CNTNAP5: variants seen among roughly 807,000 people sequenced by gnomAD.
The protein encoded by CNTNAP5 is contactin associated protein family member 5.
A neutral mutation model predicts 150.2 loss-of-function variants in CNTNAP5; 72 were observed. The observed-to-expected ratio is 0.48, with a 90% CI of 0.40 to 0.58. The LOEUF is 0.58. CNTNAP5 is among the 20% of genes least tolerant of loss of function. CNTNAP5 has a pLI of 0.00. For missense variants in CNTNAP5, 1,636 were observed against 1,626.2 expected (o/e 1.01, Z -0.10); for synonymous variants, 672 against 619.8 (o/e 1.08, Z -1.25).
chr2:124,046,006 C>T (rs569111394), intron 1 of CNTNAP5, among the ~76,000 whole-genome samples: 5 of 152,302 alleles, frequency 3.3e-5, no homozygotes, highest in African/African-American at 1.2e-4. Context: ...ATTTCCAAAA[C>T]GCATCCATGA....
intron 19 of CNTNAP5, among the ~76,000 whole-genome samples, chr2:124,815,885 A>G (rs1682350910): frequency 6.6e-6 from 1 of 152,142 alleles, no homozygotes; most frequent in African/African-American, 2.4e-5. Flanking sequence ...TTCTTCCACT[A>G]ATTTCCTCAT....
At chr2:124,882,609 G>A (rs1289939800) in intron 21 of CNTNAP5, among the ~76,000 whole-genome samples, 1 of 152,098 alleles carries the variant, frequency 6.6e-6, no homozygotes, top group Non-Finnish European at 1.5e-5. Flanking sequence ...CAGAGATGCT[G>A]TCTTCATCAG....
intron 7 of CNTNAP5, among the ~76,000 whole-genome samples, chr2:124,487,096 G>A (rs923053776): frequency 6.6e-6 from 1 of 152,002 alleles, no homozygotes; most frequent in African/African-American, 2.4e-5. Context: ...TCCACCCATG[G>A]GGTTATCCAG....
At chr2:124,908,890 T>C (rs1014159329) in intron 22 of CNTNAP5, among the ~76,000 whole-genome samples, 8 of 152,096 alleles carry the variant, frequency 5.3e-5, no homozygotes, top group Non-Finnish European at 8.8e-5. Context: ...AAAAATCTTC[T>C]AGCAAAAGGA....
At chr2:124,527,582 T>A in intron 10 of CNTNAP5, 126 bp downstream of exon 10, 1 of 647,876 alleles carries the variant, frequency 1.5e-6, no homozygotes, top group Non-Finnish European at 2.4e-6. Context: ...TTGAGTTGCC[T>A]AATGGAAAAT....
chr2:124,823,045 G>A (rs1049984906), intron 19 of CNTNAP5, among the ~76,000 whole-genome samples: 1 of 152,118 alleles, frequency 6.6e-6, no homozygotes, highest in Non-Finnish European at 1.5e-5. Context: ...ACAACACAGA[G>A]AAAAAATGAA....
chr2:124,900,263 T>C (rs1573698381), intron 21 of CNTNAP5, among the ~76,000 whole-genome samples: 1 of 151,748 alleles, frequency 6.6e-6, no homozygotes, highest in Middle Eastern at 3.4e-3. Flanking sequence ...AAAAGTATTG[T>C]TTTTATCAAA....
At chr2:124,046,799 A>G (rs777478317) in intron 1 of CNTNAP5, among the ~76,000 whole-genome samples, 46 of 152,224 alleles carry the variant, frequency 3.0e-4, no homozygotes, top group Non-Finnish European at 5.9e-4. Context: ...AGCTCCACTG[A>G]CATGCCTCAA....
chr2:124,464,055 C>T (rs528611208), intron 6 of CNTNAP5, among the ~76,000 whole-genome samples: 25 of 152,244 alleles, frequency 1.6e-4, no homozygotes, highest in Middle Eastern at 3.4e-3. Context: ...ATAAGTCCTA[C>T]TATTGCTATT....
chr2:124,122,163 T>C (rs1048478761), intron 1 of CNTNAP5, among the ~76,000 whole-genome samples: 2 of 152,146 alleles, frequency 1.3e-5, no homozygotes, highest in Non-Finnish European at 2.9e-5. Context: ...CTTGAAAATT[T>C]CCCCTCATCT....
chr2:124,700,881 C>T lies in CNTNAP5; in HGVS notation c.2078-46348C>T, dbSNP rs553629262. Reference sequence around the variant, plus strand: ...GTGCAAATGCAATTGCGTTTTTTGCCACTATTTTTAATGGCAAAAACCACA... The same window carrying T: ...GTGCAAATGCAATTGCGTTTTTTGCTACTATTTTTAATGGCAAAAACCACA... On this transcript the variant is annotated intron_variant, in intron 13 of 23. Coordinates refer to ENST00000682447, the MANE Select transcript of CNTNAP5 (RefSeq NM_001367498.1). 2.0e-4 allele frequency among the ~76,000 whole-genome samples: 30 copies of T among 151,824 alleles called. No individual in the cohort carries two copies. In the South Asian group the frequency reaches 5.6e-3, roughly 28 times the overall value.
At chr2:124,799,000 C>A (rs1404779490) in intron 19 of CNTNAP5, among the ~76,000 whole-genome samples, 1 of 151,978 alleles carries the variant, frequency 6.6e-6, no homozygotes, top group East Asian at 1.9e-4. Context: ...ACAAAATTCA[C>A]AAAAATACAG....
intron 2 of CNTNAP5, among the ~76,000 whole-genome samples, chr2:124,232,975 G>A (rs542630398): frequency 4.6e-5 from 7 of 150,758 alleles, no homozygotes; most frequent in Admixed American, 4.0e-4. Context: ...GTGGTTACAA[G>A]ATCCTTTACC....
intron 1 of CNTNAP5, among the ~76,000 whole-genome samples, chr2:124,056,472 A>G (rs1233640571): frequency 1.3e-5 from 2 of 152,108 alleles, no homozygotes; most frequent in Admixed American, 6.5e-5. Context: ...AAAATACAAA[A>G]AAAAAGAAAA....
At chr2:124,587,145 A>T (rs915318286) in intron 11 of CNTNAP5, among the ~76,000 whole-genome samples, 1 of 152,202 alleles carries the variant, frequency 6.6e-6, no homozygotes, top group Admixed American at 6.5e-5. Flanking sequence ...CTATAGTATC[A>T]AATGCTAACT....
chr2:124,547,138 C>T (rs777513600), intron 10 of CNTNAP5, among the ~76,000 whole-genome samples: 62 of 152,130 alleles, frequency 4.1e-4, no homozygotes, highest in Middle Eastern at 3.4e-3. Context: ...AGCCTCAATG[C>T]TAGCAATGGT....
rs566376177 is a variant in CNTNAP5, at chr2:124,788,740, C to T, written c.2753-1162C>T. Reference sequence around the variant, plus strand: ...CTCAGCCTCCTGGGTTCAAGCAATTCTCCTGCCTCAGCCTCCCGAGTAGCT... The same window carrying T: ...CTCAGCCTCCTGGGTTCAAGCAATTTTCCTGCCTCAGCCTCCCGAGTAGCT... On this transcript the variant is annotated intron_variant, in intron 17 of 23. Coordinates refer to ENST00000682447, the MANE Select transcript of CNTNAP5 (RefSeq NM_001367498.1). 1.2e-4 allele frequency among the ~76,000 whole-genome samples: 18 copies of T among 151,994 alleles called. No individual in the cohort carries two copies. In the East Asian group the frequency reaches 2.3e-3, roughly 20 times the overall value.
At chr2:124,201,507 G>A (rs1351753965) in intron 1 of CNTNAP5, among the ~76,000 whole-genome samples, 1 of 152,168 alleles carries the variant, frequency 6.6e-6, no homozygotes, top group Non-Finnish European at 1.5e-5. Flanking sequence ...ACAAAGCTTA[G>A]GAAAGGTAAA....
chr2:124,129,354 T>C (rs920960238), intron 1 of CNTNAP5, among the ~76,000 whole-genome samples: 8 of 152,190 alleles, frequency 5.3e-5, no homozygotes, highest in African/African-American at 1.9e-4. Flanking sequence ...GAGAACTCTA[T>C]GGGCTTCGAG....
Sources: gnomAD v4.1 joint callset for allele counts (sites outside exome capture counted in the v4.1 genomes callset) on GRCh38, gnomAD v4.1.1 for gene constraint, MANE v1.5 for transcripts, NCBI Gene and HGNC (gene_info 2026-07-23, HGNC 2026-07-21) for gene names.